The following MGLL variants were observed in gnomAD, a reference collection of about 807,000 sequenced individuals.
MGLL encodes the protein monoglyceride lipase.
A neutral mutation model predicts 29.1 loss-of-function variants in MGLL; 7 were observed. The ratio of observed to expected loss-of-function variants is 0.24; its 90% CI spans 0.14 to 0.45. MGLL has a LOEUF of 0.45. MGLL is among the 20% of genes least tolerant of loss of function. MGLL has a pLI of 0.99. For missense variants in MGLL, 356 were observed against 413.6 expected (o/e 0.86, Z 1.21); for synonymous variants, 148 against 168.3 (o/e 0.88, Z 0.93).
At chr3:127,791,474 G>C (rs1033286879) in intron 2 of MGLL, among the ~76,000 whole-genome samples, 8 of 152,276 alleles carry the variant, frequency 5.3e-5, no homozygotes, top group African/African-American at 1.9e-4. Context: ...TTTATATTGG[G>C]AGTATCTGTG....
chr3:127,735,627 C>A, intron 3 of MGLL: 1 of 1,412,292 alleles, frequency 7.1e-7, no homozygotes, highest in South Asian at 1.4e-5. Flanking sequence ...ACACAAATTC[C>A]AAGATTGTAG....
chr3:127,702,050 T>C (rs1012655322), intron 6 of MGLL, among the ~76,000 whole-genome samples: 1 of 152,188 alleles, frequency 6.6e-6, no homozygotes, highest in African/African-American at 2.4e-5. Context: ...GGCTGTGCAG[T>C]CATCTGGAGG....
At chr3:127,731,516 T>A (rs1455440000) in intron 3 of MGLL, among the ~76,000 whole-genome samples, 1 of 152,150 alleles carries the variant, frequency 6.6e-6, no homozygotes, top group African/African-American at 2.4e-5. Flanking sequence ...CACCCCATCA[T>A]GGATGGGACT....
At chr3:127,805,278 A>T (rs150113567) in intron 2 of MGLL, among the ~76,000 whole-genome samples, 1 of 152,318 alleles carries the variant, frequency 6.6e-6, no homozygotes, top group Non-Finnish European at 1.5e-5. Context: ...AATGATCAGG[A>T]ATTTATTGAG....
intron 6 of MGLL, among the ~76,000 whole-genome samples, chr3:127,703,540 G>C (rs1189570125): frequency 6.6e-6 from 1 of 152,204 alleles, no homozygotes; most frequent in East Asian, 1.9e-4. Context: ...GGGCAACCCA[G>C]GCGGAAGTAT....
intron 3 of MGLL, among the ~76,000 whole-genome samples, chr3:127,755,116 A>G (rs2076638441): frequency 6.6e-6 from 1 of 152,142 alleles, no homozygotes; most frequent in South Asian, 2.1e-4. Flanking sequence ...TTTTGCCCAC[A>G]CGGCCTCGTC....
chr3:127,783,559 G>A (rs527751348), intron 2 of MGLL, among the ~76,000 whole-genome samples: 5 of 152,232 alleles, frequency 3.3e-5, no homozygotes, highest in African/African-American at 9.6e-5. Context: ...TTCTTCCTAC[G>A]ACTCTTTTCA....
chr3:127,804,954 C>A (rs995621542), intron 2 of MGLL, among the ~76,000 whole-genome samples: 25 of 152,146 alleles, frequency 1.6e-4, no homozygotes, highest in African/African-American at 4.3e-4. Flanking sequence ...CCATGGGGGT[C>A]TTGGAGAGAC....
chr3:127,791,145 A>C (rs2077293470), intron 2 of MGLL: 1 of 152,222 alleles, frequency 6.6e-6, no homozygotes. Flanking sequence ...TGCTCCCAGA[A>C]ATAGAAGAAA....
intron 3 of MGLL, among the ~76,000 whole-genome samples, chr3:127,733,974 A>G (rs1389331448): frequency 6.6e-6 from 1 of 152,246 alleles, no homozygotes; most frequent in Admixed American, 6.5e-5. Flanking sequence ...CCAATCGTAC[A>G]GCGTAGAGCG....
chr3:127,694,268 T>TGG (rs202243652), intron 7 of MGLL, among the ~76,000 whole-genome samples: 1 of 58,324 alleles, frequency 1.7e-5, no homozygotes, highest in Non-Finnish European at 3.1e-5. Context: ...ATACTCTGTC[T>TGG]GAAAAAAAAA....
At chr3:127,756,559 C>T (rs181413420) in intron 3 of MGLL, among the ~76,000 whole-genome samples, 1 of 152,324 alleles carries the variant, frequency 6.6e-6, no homozygotes, top group African/African-American at 2.4e-5. Context: ...TATGCTGTGG[C>T]CCCTTCTCTT....
chr3:127,812,853 G>T, intron 2 of MGLL, among the ~76,000 whole-genome samples: 1 of 152,168 alleles, frequency 6.6e-6, no homozygotes, highest in East Asian at 1.9e-4. Flanking sequence ...CCCATACCTG[G>T]CTGGTGTTGA....
Position 127,761,713 on chromosome 3 carries a change from C to T in MGLL, c.262+20076G>A, listed in dbSNP as rs747644871. On this transcript the variant is annotated intron_variant, in intron 3 of 7. Transcript: ENST00000265052. This position sits in a 1 kb window ranked among gnomAD's most constrained non-coding sequence, Gnocchi z 4.6. ...GGCCGTGGGCAGAGCTGGACTGCCACGCAGGCTGCCTCCCTCCTGGCACGT... is the reference window on the plus strand; with the variant it reads ...GGCCGTGGGCAGAGCTGGACTGCCATGCAGGCTGCCTCCCTCCTGGCACGT... Among the ~76,000 whole-genome samples the T allele has an allele frequency of 2.0e-5, 3 of 152,218 alleles. No homozygotes were observed. Among genetic ancestry groups the T allele is most frequent in the African/African-American group, 4.8e-5 (2 of 41,446 alleles).
Position 127,722,644 on chromosome 3 carries a change from CAA to C in MGLL, c.263-80_263-79del. 6 of 1,586,540 alleles carry C rather than the reference CAA, an allele frequency of 3.8e-6. 1 individual carries two copies. Among genetic ancestry groups the C allele is most frequent in the African/African-American group, 2.7e-5 (2 of 74,368 alleles). On this transcript the variant is annotated intron_variant, in intron 3 of 7. Transcript: ENST00000265052. ...CACAAGCCCAGAGTTCTCCTCACTG[CAA>C]TCGCTCTCTCTCCTGAGCGCCTGAA...
At chr3:127,801,344 C>T (rs1393276406) in intron 2 of MGLL, among the ~76,000 whole-genome samples, 5 of 148,286 alleles carry the variant, frequency 3.4e-5, no homozygotes, top group East Asian at 2.0e-4. Flanking sequence ...CGGCCAGGCG[C>T]GGCGGCTCAC....
chr3:127,773,992 A>G (rs1172808496), intron 3 of MGLL, among the ~76,000 whole-genome samples: 1 of 152,104 alleles, frequency 6.6e-6, no homozygotes, highest in East Asian at 1.9e-4. Context: ...CTGTCTTCGC[A>G]CAGCAGCCTC....
At chr3:127,799,013 G>C (rs2077432111) in intron 2 of MGLL, among the ~76,000 whole-genome samples, 1 of 152,190 alleles carries the variant, frequency 6.6e-6, no homozygotes, top group Non-Finnish European at 1.5e-5. Context: ...GGAGAACTTG[G>C]AGCCAAACAC....
chr3:127,822,269 T>C (rs200409124), intron 1 of MGLL, 40 bp downstream of exon 1: 139 of 1,596,048 alleles, frequency 8.7e-5, no homozygotes, highest in Non-Finnish European at 1.2e-4. Context: ...GATACTCAGA[T>C]TATTCCTCCC....
Sources: allele counts gnomAD v4.1 joint callset (sites outside exome capture counted in the v4.1 genomes callset), GRCh38; gene constraint gnomAD v4.1.1; non-coding constraint Gnocchi (gnomAD v3.1); transcripts MANE v1.5; gene names NCBI Gene and HGNC (gene_info 2026-07-23, HGNC 2026-07-21).